DPYD: variants seen among roughly 807,000 people sequenced by gnomAD.
DPYD encodes dihydropyrimidine dehydrogenase, also known as dihydropyrimidine dehydrogenase [NADP(+)].
A neutral mutation model predicts 116.2 loss-of-function variants in DPYD; 109 were observed. The ratio of observed to expected loss-of-function variants is 0.94; its 90% CI spans 0.80 to 1.10. DPYD has a LOEUF of 1.10. Ranked by LOEUF, DPYD falls within the 50% of genes least tolerant of loss-of-function variation. The pLI is 0.00. For missense variants in DPYD, 1,302 were observed against 1,254.5 expected (o/e 1.04, Z -0.57); for synonymous variants, 440 against 432.0 (o/e 1.02, Z -0.23).
chr1:97,443,068 A>T (rs1675890182), intron 14 of DPYD, among the ~76,000 whole-genome samples: 2 of 152,186 alleles, frequency 1.3e-5, no homozygotes, highest in Admixed American at 1.3e-4. Flanking sequence ...CATAAAAAGC[A>T]AGTCAGAGGA....
Position 97,289,603 on chromosome 1 carries a change from T to C in DPYD, c.2299+15656A>G, listed in dbSNP as rs568534762. On this transcript the variant is annotated intron_variant, in intron 18 of 22. Transcript: ENST00000370192. ...GACAAAAACCACATGATTATCTCAA[T>C]AGATGCAGAAAAGGCCTTTGACAAA... Among the ~76,000 whole-genome samples, 176 of 152,090 alleles carry C rather than the reference T, an allele frequency of 1.2e-3. 1 individual carries two copies. Among genetic ancestry groups the C allele is most frequent in the Non-Finnish European group, 2.0e-3 (135 of 67,976 alleles).
chr1:97,752,184 G>C (rs1037963032), intron 3 of DPYD, among the ~76,000 whole-genome samples: 28 of 152,028 alleles, frequency 1.8e-4, no homozygotes, highest in African/African-American at 6.3e-4. Context: ...CTTCCTCTTA[G>C]AACTGTTGAG....
intron 13 of DPYD, among the ~76,000 whole-genome samples, chr1:97,504,292 T>C (rs1360845302): frequency 3.3e-5 from 5 of 151,994 alleles, no homozygotes; most frequent in African/African-American, 4.8e-5. Flanking sequence ...GTGTGAGTTG[T>C]CTGTTGCTAA....
chr1:97,078,937 G>C lies in DPYD; in HGVS notation c.*39C>G, dbSNP rs1429850473. 1 of 1,608,330 alleles carries C rather than the reference G, an allele frequency of 6.2e-7. No individual in the cohort carries two copies. The highest frequency in any genetic ancestry group is 1.7e-5 in the Admixed American group (1 of 59,978). Reference sequence around the variant, plus strand: ...GATTTTAAAAGATCAGCATATGTAGGTGACATGAAAGTTCACAGCAACTGT... The same window carrying C: ...GATTTTAAAAGATCAGCATATGTAGCTGACATGAAAGTTCACAGCAACTGT... On this transcript the variant is annotated 3_prime_UTR_variant, in exon 23 of 23. Transcript: ENST00000370192.
intron 11 of DPYD, among the ~76,000 whole-genome samples, chr1:97,552,758 G>A (rs1651416983): frequency 6.6e-6 from 1 of 151,808 alleles, no homozygotes; most frequent in African/African-American, 2.4e-5. Flanking sequence ...AATAGAAAAA[G>A]GATTTTCTTT....
At chr1:97,576,993 C>CAT (rs1337856763) in intron 10 of DPYD, among the ~76,000 whole-genome samples, 1 of 152,076 alleles carries the variant, frequency 6.6e-6, no homozygotes, top group East Asian at 1.9e-4. Context: ...ATATCATTTG[C>CAT]ATATATATAT....
chr1:97,397,766 A>T (rs1157307628), intron 14 of DPYD, among the ~76,000 whole-genome samples: 1 of 152,086 alleles, frequency 6.6e-6, no homozygotes, highest in Non-Finnish European at 1.5e-5. Flanking sequence ...CACCTACTGA[A>T]GGATATTTTG....
rs80138818 is a variant in DPYD, at chr1:97,179,665, C to T, written c.2622+13404G>A. Among the ~76,000 whole-genome samples the T allele has an allele frequency of 5.5e-4, 83 of 152,164 alleles. 1 individual carries two copies. The East Asian group carries it at 0.014, about 26-fold the overall frequency. ...CTATAAGGCACTTCATAAACAGTGC[C>T]TGAAGCTGCAAATCAAAGGCTTCTC... is the stretch of plus-strand genomic sequence containing the variant. On this transcript the variant is annotated intron_variant, in intron 20 of 22. Coordinates refer to ENST00000370192, the MANE Select transcript of DPYD (RefSeq NM_000110.4).
At chr1:97,512,463 A>G (rs1430592480) in intron 13 of DPYD, among the ~76,000 whole-genome samples, 1 of 151,882 alleles carries the variant, frequency 6.6e-6, no homozygotes, top group Non-Finnish European at 1.5e-5. Context: ...ATAGAAATAA[A>G]TACTTCTTAG....
intron 14 of DPYD, among the ~76,000 whole-genome samples, chr1:97,396,063 T>C (rs1287101434): frequency 6.8e-6 from 1 of 147,040 alleles, no homozygotes; most frequent in Non-Finnish European, 1.5e-5. Flanking sequence ...TTGAGGTATT[T>C]TGTTATATAG....
chr1:97,893,468 G>C (rs1177679714), intron 1 of DPYD, among the ~76,000 whole-genome samples: 7 of 52,118 alleles, frequency 1.3e-4, no homozygotes, highest in Non-Finnish European at 2.0e-4. Flanking sequence ...ATATAGCAAT[G>C]GAGATATCAT....
intron 8 of DPYD, among the ~76,000 whole-genome samples, chr1:97,677,227 G>T (rs1660193631): frequency 6.6e-6 from 1 of 152,004 alleles, no homozygotes; most frequent in Non-Finnish European, 1.5e-5. Flanking sequence ...CAATGTATTG[G>T]TTATTTTATT....
intron 3 of DPYD, among the ~76,000 whole-genome samples, chr1:97,807,904 T>G (rs1668151590): frequency 6.6e-6 from 1 of 152,122 alleles, no homozygotes; most frequent in African/African-American, 2.4e-5. Context: ...TTGAAATGCC[T>G]TTGCACCTTT....
intron 1 of DPYD, among the ~76,000 whole-genome samples, chr1:97,891,525 T>C (rs191355591): frequency 7.2e-5 from 11 of 152,046 alleles, no homozygotes; most frequent in Admixed American, 6.6e-4. Context: ...ATAAGAGTTA[T>C]ATATTGTCAC....
chr1:97,468,445 C>T (rs914786028), intron 13 of DPYD, among the ~76,000 whole-genome samples: 4 of 152,090 alleles, frequency 2.6e-5, no homozygotes, highest in Admixed American at 2.0e-4. Context: ...GACCCCTTGT[C>T]CTTTCCATCA....
At chr1:97,496,395 T>G (rs1309248082) in intron 13 of DPYD, among the ~76,000 whole-genome samples, 1 of 152,056 alleles carries the variant, frequency 6.6e-6, no homozygotes, top group East Asian at 1.9e-4. Flanking sequence ...TGTGACTATT[T>G]TCTACACTAT....
At position 97,600,404 on chromosome 1, in the gene DPYD, CCT is replaced by C. The variant is rs1343714456; in HGVS notation, c.851-5240_851-5239del. 1.2e-4 allele frequency among the ~76,000 whole-genome samples: 18 copies of C among 152,232 alleles called. No homozygotes were observed. The South Asian group carries it at 3.5e-3, about 30-fold the overall frequency. ...ATGGAATAAACCAGGCTAACTTCCC[CCT>C]CTGTCTTAGTAAAAGAAAAATCCAT... On this transcript the variant is annotated intron_variant, in intron 8 of 22. Coordinates refer to ENST00000370192, the MANE Select transcript of DPYD (RefSeq NM_000110.4).
intron 18 of DPYD, among the ~76,000 whole-genome samples, chr1:97,247,565 G>A (rs1662800341): frequency 6.6e-6 from 1 of 152,070 alleles, no homozygotes; most frequent in African/African-American, 2.4e-5. Context: ...CCACTGAGTA[G>A]GCATGAATTT....
chr1:97,367,150 A>C (rs1007438758), intron 16 of DPYD, among the ~76,000 whole-genome samples: 11 of 152,020 alleles, frequency 7.2e-5, no homozygotes. Context: ...TGTGGTCCTC[A>C]CACTTGGTTT....
Sources: gnomAD v4.1 joint callset for allele counts (sites outside exome capture counted in the v4.1 genomes callset) on GRCh38, gnomAD v4.1.1 for gene constraint, MANE v1.5 for transcripts, NCBI Gene and HGNC (gene_info 2026-07-23, HGNC 2026-07-21) for gene names.